The following WDR70 variants were observed in gnomAD, a reference collection of about 807,000 sequenced individuals.
WDR70 encodes WD repeat-containing protein 70.
WDR70 carries 53 observed loss-of-function variants against 88.6 expected under a neutral mutation model. The ratio of observed to expected loss-of-function variants is 0.60; its 90% CI spans 0.48 to 0.75. WDR70 has a LOEUF of 0.75. WDR70 is among the 30% of genes least tolerant of loss of function. The pLI is 0.00. For synonymous variants in WDR70, 280 were observed against 270.0 expected (o/e 1.04, Z -0.36); for missense variants, 610 against 823.2 (o/e 0.74, Z 3.17).
intron 9 of WDR70, among the ~76,000 whole-genome samples, chr5:37,527,018 G>A (rs982998729): frequency 2.0e-5 from 3 of 152,134 alleles, no homozygotes; most frequent in South Asian, 4.1e-4. Flanking sequence ...ATGCTCATGG[G>A]TAGGAAGAAT....
chr5:37,495,487 C>CGT (rs546438882), intron 8 of WDR70, among the ~76,000 whole-genome samples: 277 of 149,860 alleles, frequency 1.8e-3, no homozygotes, highest in Middle Eastern at 3.4e-3. Flanking sequence ...TGTGTGTGTG[C>CGT]GTGTGTGTGT....
chr5:37,725,948 T>C (rs959961467), intron 16 of WDR70, among the ~76,000 whole-genome samples: 1 of 152,206 alleles, frequency 6.6e-6, no homozygotes, highest in Non-Finnish European at 1.5e-5. Flanking sequence ...CCTGTAGCTT[T>C]ACACCTTACT....
At chr5:37,743,133 A>G (rs1748533739) in intron 17 of WDR70, among the ~76,000 whole-genome samples, 1 of 152,218 alleles carries the variant, frequency 6.6e-6, no homozygotes, top group Non-Finnish European at 1.5e-5. Context: ...AATTGACTAG[A>G]AGGCTGGTGT....
intron 10 of WDR70, among the ~76,000 whole-genome samples, chr5:37,680,931 A>G (rs1222565081): frequency 3.3e-5 from 5 of 152,138 alleles, no homozygotes; most frequent in African/African-American, 1.2e-4. Context: ...AAATAATGTT[A>G]AAATAGAAAT....
intron 14 of WDR70, 44 bp downstream of exon 14, chr5:37,721,259 G>T (rs887391044): frequency 5.2e-6 from 8 of 1,553,222 alleles, no homozygotes; most frequent in African/African-American, 1.4e-5. Flanking sequence ...GACAACAACT[G>T]GGGGGAGGGA....
At chr5:37,415,374 C>T (rs1362544243) in intron 5 of WDR70, among the ~76,000 whole-genome samples, 1 of 136,420 alleles carries the variant, frequency 7.3e-6, no homozygotes, top group African/African-American at 2.5e-5. Context: ...AGAGGCACCC[C>T]TCACCTCCCG....
chr5:37,679,802 C>T (rs1002526483), intron 10 of WDR70, among the ~76,000 whole-genome samples: 1 of 152,214 alleles, frequency 6.6e-6, no homozygotes, highest in Non-Finnish European at 1.5e-5. Context: ...GAGCTTACTC[C>T]TGTCTTTTTG....
chr5:37,402,908 TTCCTTCCCTCTTTCCC>T (rs1456594381), intron 5 of WDR70, among the ~76,000 whole-genome samples: 7 of 146,814 alleles, frequency 4.8e-5, no homozygotes, highest in South Asian at 2.1e-4. Context: ...CCTTCCTTCC[TTCCTTCCCTCTTTCCC>T]TCCTTCCCTC....
chr5:37,545,497 CTTTTTA>C (rs1741959030), intron 9 of WDR70, among the ~76,000 whole-genome samples: 1 of 150,462 alleles, frequency 6.6e-6, no homozygotes, highest in Non-Finnish European at 1.5e-5. Context: ...CATAAGTGTG[CTTTTTA>C]TTTTTATTTA....
At chr5:37,512,552 G>A (rs1182523266) in intron 8 of WDR70, among the ~76,000 whole-genome samples, 1 of 151,276 alleles carries the variant, frequency 6.6e-6, no homozygotes, top group African/African-American at 2.4e-5. Context: ...TTTGCTATTG[G>A]ATTTAGAGCC....
intron 17 of WDR70, among the ~76,000 whole-genome samples, chr5:37,728,316 C>G (rs1748045292): frequency 6.9e-6 from 1 of 144,504 alleles, no homozygotes; most frequent in Admixed American, 7.0e-5. Flanking sequence ...CCACTGCACT[C>G]TAACCTAGGT....
chr5:37,525,870 C>G (rs1229467008), intron 9 of WDR70, among the ~76,000 whole-genome samples: 2 of 152,142 alleles, frequency 1.3e-5, no homozygotes, highest in African/African-American at 4.8e-5. Context: ...GGCAAATAAA[C>G]TAGAAAATCT....
chr5:37,414,087 G>A (rs1200355497), intron 5 of WDR70, among the ~76,000 whole-genome samples: 5 of 149,576 alleles, frequency 3.3e-5, no homozygotes, highest in Admixed American at 6.7e-5. Flanking sequence ...GGAGGTTGCG[G>A]TGAGCCTTGA....
At chr5:37,538,224 A>G (rs532228920) in intron 9 of WDR70, among the ~76,000 whole-genome samples, 8 of 152,024 alleles carry the variant, frequency 5.3e-5, no homozygotes, top group South Asian at 2.1e-4. Context: ...CTTGCTTTCT[A>G]TCTCTCCTCT....
intron 8 of WDR70, among the ~76,000 whole-genome samples, chr5:37,515,535 T>G (rs1257932262): frequency 6.6e-6 from 1 of 152,208 alleles, no homozygotes; most frequent in Non-Finnish European, 1.5e-5. Context: ...CTCATTTGTA[T>G]TCCGTAAACA....
chr5:37,718,101 G>A (rs1747703651), intron 13 of WDR70, among the ~76,000 whole-genome samples: 1 of 152,072 alleles, frequency 6.6e-6, no homozygotes, highest in South Asian at 2.1e-4. Context: ...TCCCTGTTTC[G>A]GCATGAAAGG....
intron 10 of WDR70, among the ~76,000 whole-genome samples, chr5:37,607,393 T>G (rs1744063053): frequency 6.6e-6 from 1 of 152,182 alleles, no homozygotes; most frequent in African/African-American, 2.4e-5. Flanking sequence ...TAATCTGTAT[T>G]TTGTGATGAT....
At chr5:37,483,146 G>A (rs1216399677) in intron 8 of WDR70, among the ~76,000 whole-genome samples, 16 of 142,134 alleles carry the variant, frequency 1.1e-4, no homozygotes, top group African/African-American at 3.7e-4. Flanking sequence ...GGTGTTTCTC[G>A]CAGAGGGGGA....
chr5:37,497,471 T>TCCTTCCCTCTCCCCTTC (rs1740264091), intron 8 of WDR70, among the ~76,000 whole-genome samples: 1 of 48,422 alleles, frequency 2.1e-5, no homozygotes, highest in African/African-American at 5.7e-5. Flanking sequence ...GTCTTCCCTT[T>TCCTTCCCTCTCCCCTTC]CCTTCCCTCT....
Sources: allele counts gnomAD v4.1 joint callset (sites outside exome capture counted in the v4.1 genomes callset), GRCh38; gene constraint gnomAD v4.1.1; transcripts MANE v1.5; gene names NCBI Gene and HGNC (gene_info 2026-07-23, HGNC 2026-07-21).